Variants in CNR2 observed in about 807,000 individuals in gnomAD.
CNR2 encodes the protein cannabinoid receptor 2, also known as cannabinoid receptor 2 (macrophage).
For synonymous variants in CNR2, 172 were observed against 182.2 expected, an observed-to-expected ratio of 0.94 and a Z score of 0.45; for missense variants, 379 against 439.9, an observed-to-expected ratio of 0.86 and a Z score of 1.24.
chr1:23,907,807 A>G (rs964108853), intron 1 of CNR2: 1 of 151,864 alleles, frequency 6.6e-6, no homozygotes, highest in Admixed American at 6.6e-5. Flanking sequence ...TGTATTTTTG[A>G]TATCAGTTTC....
At chr1:23,891,058 T>C (rs1640181758) in intron 1 of CNR2, among the ~76,000 whole-genome samples, 1 of 151,722 alleles carries the variant, frequency 6.6e-6, no homozygotes, top group Admixed American at 6.6e-5. Context: ...TTTTGTATTT[T>C]TAGTGGACAC....
At chr1:23,889,998 T>C (rs564456019) in intron 1 of CNR2, among the ~76,000 whole-genome samples, 1 of 151,934 alleles carries the variant, frequency 6.6e-6, no homozygotes. Flanking sequence ...GTGCCAGGCA[T>C]GGGGGCTCTG....
intron 1 of CNR2, among the ~76,000 whole-genome samples, chr1:23,895,524 T>C (rs1640265931): frequency 6.6e-6 from 1 of 152,242 alleles, no homozygotes; most frequent in South Asian, 2.1e-4. Flanking sequence ...CTCTCTTTTT[T>C]TGAGACAGAG....
chr1:23,877,458 AC>A (rs761656334), intron 1 of CNR2, among the ~76,000 whole-genome samples: 6 of 151,962 alleles, frequency 3.9e-5, no homozygotes, highest in Non-Finnish European at 8.8e-5. Context: ...ACACGGTGAA[AC>A]CTCGTCTCTA....
chr1:23,881,822 C>T (rs536491476), intron 1 of CNR2, among the ~76,000 whole-genome samples: 5 of 149,604 alleles, frequency 3.3e-5, no homozygotes, highest in East Asian at 4.1e-4. Flanking sequence ...CTTGGGAAGG[C>T]GGAGGTTTCG....
At chr1:23,887,806 T>C (rs1640116106) in intron 1 of CNR2, among the ~76,000 whole-genome samples, 1 of 90,808 alleles carries the variant, frequency 1.1e-5, no homozygotes, top group Admixed American at 1.3e-4. Context: ...TAAATTGCTA[T>C]ATTAACCAAG....
intron 1 of CNR2, among the ~76,000 whole-genome samples, chr1:23,904,069 C>T (rs960723871): frequency 6.6e-5 from 10 of 152,154 alleles, no homozygotes; most frequent in African/African-American, 2.4e-4. Context: ...TACCAGATTC[C>T]AGAGTTCACA....
chr1:23,902,611 T>G, intron 1 of CNR2: 1 of 1,603,760 alleles, frequency 6.2e-7, no homozygotes, highest in Non-Finnish European at 8.5e-7. Context: ...AAGACGGAGC[T>G]GCAGACAGCC....
At position 23,888,979 on chromosome 1, in the gene CNR2, TA is replaced by T. The variant is rs931548002; in HGVS notation, c.-45-13318del. On this transcript the variant is annotated intron_variant, in intron 1 of 1. Coordinates refer to ENST00000374472, the MANE Select transcript of CNR2 (RefSeq NM_001841.3). ...GCTAGATTCAGTTTAAAAAAATAAA[TA>T]AATAAATAAAGAAGAAGAAAAAGAA... is the stretch of plus-strand genomic sequence containing the variant. Among the ~76,000 whole-genome samples the T allele has an allele frequency of 5.3e-5, 8 of 151,518 alleles. 1 individual carries two copies. Among genetic ancestry groups the T allele is most frequent in the Admixed American group, 2.0e-4 (3 of 15,160 alleles).
At chr1:23,903,165 G>T (rs1043230707) in intron 1 of CNR2, among the ~76,000 whole-genome samples, 1 of 152,088 alleles carries the variant, frequency 6.6e-6, no homozygotes, top group Non-Finnish European at 1.5e-5. Flanking sequence ...CCAGAGCCTA[G>T]CCTAGCGCAG....
chr1:23,889,162 A>C (rs6696395), intron 1 of CNR2, among the ~76,000 whole-genome samples: 148,447 of 152,148 alleles, frequency 0.98, 72,493 homozygotes, highest in East Asian at 1. Flanking sequence ...GGGAAGGGAA[A>C]CTTGGGACCT....
intron 1 of CNR2, among the ~76,000 whole-genome samples, chr1:23,888,847 T>G (rs1640135666): frequency 6.6e-6 from 1 of 152,058 alleles, no homozygotes. Flanking sequence ...CAGGTGCCTG[T>G]AATCCCAGCT....
intron 1 of CNR2, among the ~76,000 whole-genome samples, chr1:23,893,232 T>C (rs1640218958): frequency 6.6e-6 from 1 of 152,154 alleles, no homozygotes; most frequent in Non-Finnish European, 1.5e-5. Flanking sequence ...TCCCCAGACC[T>C]TTCCTGGACC....
At chr1:23,912,846 G>C (rs1169366313) in intron 1 of CNR2, among the ~76,000 whole-genome samples, 2 of 152,160 alleles carry the variant, frequency 1.3e-5, no homozygotes, top group African/African-American at 4.8e-5. Flanking sequence ...GGCTTCTTGT[G>C]TCCCTGGAGG....
intron 1 of CNR2, among the ~76,000 whole-genome samples, chr1:23,892,844 T>G (rs960734161): frequency 6.6e-6 from 1 of 152,082 alleles, no homozygotes; most frequent in African/African-American, 2.4e-5. Flanking sequence ...GGTGAAACCC[T>G]GTCTCTACTA....
chr1:23,880,512 G>A (rs571236955), intron 1 of CNR2, among the ~76,000 whole-genome samples: 7 of 151,828 alleles, frequency 4.6e-5, no homozygotes, highest in South Asian at 2.1e-4. Flanking sequence ...CACTGACCTC[G>A]TCTTTATTTT....
intron 1 of CNR2, among the ~76,000 whole-genome samples, chr1:23,884,456 C>T (rs1381082649): frequency 8.1e-6 from 1 of 123,542 alleles, no homozygotes; most frequent in Non-Finnish European, 1.8e-5. Context: ...CAGGCACACA[C>T]CACCACACCT....
chr1:23,908,048 T>C (rs1304716335), intron 1 of CNR2, among the ~76,000 whole-genome samples: 1 of 145,526 alleles, frequency 6.9e-6, no homozygotes, highest in Non-Finnish European at 1.5e-5. Context: ...TGGCGTGATC[T>C]TGGCTCACTG....
chr1:23,887,066 T>G (rs1414654842), intron 1 of CNR2, among the ~76,000 whole-genome samples: 1 of 152,074 alleles, frequency 6.6e-6, no homozygotes, highest in Non-Finnish European at 1.5e-5. Context: ...CCACCATGCC[T>G]GGTTAATTTT....
Sources: gnomAD v4.1 joint callset for allele counts (sites outside exome capture counted in the v4.1 genomes callset) on GRCh38, gnomAD v4.1.1 for gene constraint, MANE v1.5 for transcripts, NCBI Gene and HGNC (gene_info 2026-07-23, HGNC 2026-07-21) for gene names.